The following LPCAT2 variants were observed in gnomAD, a reference collection of about 807,000 sequenced individuals.
The protein encoded by LPCAT2 is lysophosphatidylcholine acyltransferase 2.
LPCAT2 carries 58 observed loss-of-function variants against 64.7 expected under a neutral mutation model. The ratio of observed to expected loss-of-function variants is 0.90; its 90% CI spans 0.73 to 1.12. The LOEUF (loss-of-function observed/expected upper bound fraction) is 1.12. Ranked by LOEUF, LPCAT2 falls within the 50% of genes most tolerant of loss-of-function variation. LPCAT2 has a pLI of 0.00. For synonymous variants in LPCAT2, 252 were observed against 245.3 expected, an observed-to-expected ratio of 1.03 and a Z score of -0.26; for missense variants, 579 against 669.8, an observed-to-expected ratio of 0.86 and a Z score of 1.50.
At chr16:55,567,041 G>A in intron 11 of LPCAT2, 1 of 1,613,818 alleles carries the variant, frequency 6.2e-7, no homozygotes, top group Non-Finnish European at 8.5e-7. Flanking sequence ...ACATGGAGGT[G>A]GGTGCCACTG....
At chr16:55,567,787 G>C (rs1050297982) in intron 11 of LPCAT2, 76 of 280,798 alleles carry the variant, frequency 2.7e-4, no homozygotes, top group African/African-American at 1.6e-3. Context: ...TAATGGAGTA[G>C]ATTTTAAAAG....
At chr16:55,570,102 A>G (rs1415700168) in intron 11 of LPCAT2, among the ~76,000 whole-genome samples, 3 of 152,230 alleles carry the variant, frequency 2.0e-5, no homozygotes, top group African/African-American at 7.2e-5. Context: ...TTTAAATTTC[A>G]AAAGATCCCA....
intron 3 of LPCAT2, 69 bp from the exon 4 acceptor site, chr16:55,529,766 T>C: frequency 1.5e-6 from 1 of 678,258 alleles, no homozygotes; most frequent in South Asian, 2.1e-5. Context: ...ATGTTATATA[T>C]CCAGTATTAT....
chr16:55,572,669 A>C (rs779599734), intron 11 of LPCAT2, among the ~76,000 whole-genome samples: 97 of 152,206 alleles, frequency 6.4e-4, no homozygotes, highest in Non-Finnish European at 1.2e-3. Context: ...AAACACATCA[A>C]ACTAAGCTGG....
chr16:55,531,805 GTT>G, intron 4 of LPCAT2, 107 bp from the exon 5 acceptor site: 1 of 703,714 alleles, frequency 1.4e-6, no homozygotes. Context: ...CTTTTATTTT[GTT>G]TTTGTTTTTT....
chr16:55,525,075 C>T (rs1309106004), intron 1 of LPCAT2, among the ~76,000 whole-genome samples: 1 of 151,942 alleles, frequency 6.6e-6, no homozygotes, highest in African/African-American at 2.4e-5. Flanking sequence ...GTATTTACTT[C>T]GTCACACTCT....
intron 9 of LPCAT2, 66 bp downstream of exon 9, chr16:55,545,883 T>A: frequency 7.6e-7 from 1 of 1,307,902 alleles, no homozygotes; most frequent in Non-Finnish European, 1.1e-6. Context: ...GTCGTTTAAC[T>A]CATTTTAAGG....
At chr16:55,568,801 C>T (rs1266255578) in intron 11 of LPCAT2, among the ~76,000 whole-genome samples, 2 of 152,110 alleles carry the variant, frequency 1.3e-5, no homozygotes, top group African/African-American at 2.4e-5. Flanking sequence ...AAAATGCCAC[C>T]CAAAAGCTGG....
At chr16:55,553,308 A>G (rs1357074194) in intron 11 of LPCAT2, among the ~76,000 whole-genome samples, 1 of 152,214 alleles carries the variant, frequency 6.6e-6, no homozygotes, top group Non-Finnish European at 1.5e-5. Context: ...AACTTCTTTC[A>G]AAATTGCTGT....
intron 13 of LPCAT2, among the ~76,000 whole-genome samples, chr16:55,580,728 T>C (rs576402351): frequency 2.0e-5 from 3 of 152,308 alleles, no homozygotes; most frequent in East Asian, 3.9e-4. Context: ...CTGTGGCCAT[T>C]AGGAACGGAG....
rs1197108849 is a variant in LPCAT2, at chr16:55,509,160, G to C, written c.-22G>C. On this transcript the variant is annotated 5_prime_UTR_variant, in exon 1 of 14. Transcript: ENST00000262134. ...AGCGCCCGCGTAGATCGCTTCGGCC[G>C]GGTTCTACGCCCGGCTCAACTATGA... The C allele has an allele frequency of 1.1e-5, 14 of 1,318,886 alleles. No individual in the cohort carries two copies. Among genetic ancestry groups the C allele is most frequent in the African/African-American group, 1.5e-5 (1 of 65,732 alleles). 81.7% of individuals were successfully genotyped at this position (1,318,886 alleles called of 1,614,324 possible).
In LPCAT2 at chr16:55,585,995, A is replaced by C. The variant is rs1963941245; in HGVS notation, c.*2897A>C. 1 of 152,320 alleles carries C rather than the reference A, an allele frequency of 6.6e-6. No individual in the cohort carries two copies. Among genetic ancestry groups the C allele is most frequent in the South Asian group, 2.1e-4 (1 of 4,822 alleles). 9.4% of individuals were successfully genotyped at this position (152,320 alleles called of 1,614,324 possible). On this transcript the variant is annotated 3_prime_UTR_variant, in exon 14 of 14. Coordinates refer to ENST00000262134, the MANE Select transcript of LPCAT2 (RefSeq NM_017839.5). ...CTTTGGGTATTTGTTTCTTACATAG[A>C]AAATGCTAACATGAATAGAAAGATA...
chr16:55,545,597 A>G lies in LPCAT2; in HGVS notation c.853-138A>G, dbSNP rs370453029. 8 of 593,246 alleles carry G rather than the reference A, an allele frequency of 1.3e-5. No homozygotes were observed. The East Asian group carries it at 2.0e-4, about 15-fold the overall frequency. 36.7% of individuals were successfully genotyped at this position (593,246 alleles called of 1,614,324 possible). A position where few individuals can be genotyped will look rare whatever the true frequency, so the allele number is the denominator to read the frequency against. On this transcript the variant is annotated intron_variant, in intron 8 of 13. Coordinates refer to ENST00000262134, the MANE Select transcript of LPCAT2 (RefSeq NM_017839.5). ...AAACAGATCTCCTGAGTACAAGCCCAGTGCCCCATTACCTCATATAACCTA... is the reference window on the plus strand; with the variant it reads ...AAACAGATCTCCTGAGTACAAGCCCGGTGCCCCATTACCTCATATAACCTA...
intron 13 of LPCAT2, among the ~76,000 whole-genome samples, chr16:55,579,911 T>C (rs1239647223): frequency 6.6e-6 from 1 of 152,204 alleles, no homozygotes; most frequent in Non-Finnish European, 1.5e-5. Flanking sequence ...TTTCTCTTGA[T>C]GGCTCAAGTC....
rs777207817 is a variant in LPCAT2, at chr16:55,537,642, T to A, written c.852+10T>A. 1 of 1,612,844 alleles carries A rather than the reference T, an allele frequency of 6.2e-7. No homozygotes were observed. Among genetic ancestry groups the A allele is most frequent in the Admixed American group, 1.7e-5 (1 of 59,906 alleles). On this transcript the variant is annotated intron_variant, in intron 8 of 13. Transcript: ENST00000262134. ...AAAGGTAGAAGTTGAGGTAAGTCAT[T>A]CAAAATGTGGCCTTGGAACTTGAGA...
chr16:55,545,363 A>T, intron 8 of LPCAT2: 1 of 168,074 alleles, frequency 5.9e-6, no homozygotes, highest in Non-Finnish European at 1.3e-5. Flanking sequence ...TGGGAGTTTC[A>T]CATAAAGGGA....
intron 4 of LPCAT2, among the ~76,000 whole-genome samples, chr16:55,530,813 T>C (rs1417207892): frequency 6.6e-6 from 1 of 152,134 alleles, no homozygotes; most frequent in Non-Finnish European, 1.5e-5. Context: ...TATATAAATT[T>C]CAGCTCATTT....
At chr16:55,520,296 G>C (rs1291294447) in intron 1 of LPCAT2, among the ~76,000 whole-genome samples, 1 of 151,992 alleles carries the variant, frequency 6.6e-6, no homozygotes, top group African/African-American at 2.4e-5. Flanking sequence ...GATATAAAGA[G>C]GAACATTTCT....
At chr16:55,559,456 G>T (rs1337341811) in intron 11 of LPCAT2, among the ~76,000 whole-genome samples, 1 of 152,044 alleles carries the variant, frequency 6.6e-6, no homozygotes, top group African/African-American at 2.4e-5. Context: ...TCTTGTTCTT[G>T]GTATTAGTTC....
Sources: gnomAD v4.1 joint callset for allele counts (sites outside exome capture counted in the v4.1 genomes callset) on GRCh38, gnomAD v4.1.1 for gene constraint, MANE v1.5 for transcripts, NCBI Gene and HGNC (gene_info 2026-07-23, HGNC 2026-07-21) for gene names.